Variants in GLT8D1 observed in about 807,000 individuals in gnomAD.
GLT8D1 encodes the protein glycosyltransferase 8 domain-containing protein 1.
Under a neutral mutation model 46.2 loss-of-function variants are expected in GLT8D1, and 41 were observed. The ratio of observed to expected loss-of-function variants is 0.89; its 90% CI spans 0.69 to 1.15. The LOEUF is 1.15. Ranked by LOEUF, GLT8D1 falls within the 50% of genes most tolerant of loss-of-function variation. The probability of loss-of-function intolerance (pLI) is 0.00; values close to 1 mark genes in which losing one functional copy is unlikely to be tolerated. For missense variants in GLT8D1, 408 were observed against 449.3 expected, an observed-to-expected ratio of 0.91 and a Z score of 0.83; for synonymous variants, 150 against 154.2, an observed-to-expected ratio of 0.97 and a Z score of 0.20.
Position 52,697,940 on chromosome 3 carries a change from AAC to A in GLT8D1, c.116-8_116-7del, listed in dbSNP as rs774520771. On this transcript the variant is annotated splice_polypyrimidine_tract_variant and splice_region_variant and intron_variant, in intron 3 of 9. Transcript: ENST00000266014. ...AGGCCCTACAATTCCTGAATCTGAA[AAC>A]ACAAGGAAGGCACTGTGATTACAAT... The A allele has an allele frequency of 1.3e-6, 2 of 1,572,512 alleles. No homozygotes were observed. The highest frequency in any genetic ancestry group is 1.4e-5 in the African/African-American group (1 of 74,038).
In GLT8D1 at chr3:52,700,362, TG is replaced by T; in HGVS notation, c.17-3del. 1 of 1,611,090 alleles carries T rather than the reference TG, an allele frequency of 6.2e-7. No individual in the cohort carries two copies. The highest frequency in any genetic ancestry group is 8.5e-7 in the Non-Finnish European group (1 of 1,177,400). On this transcript the variant is annotated splice_polypyrimidine_tract_variant and splice_region_variant and intron_variant, in intron 2 of 9. Transcript: ENST00000266014. Reference sequence around the variant, plus strand: ...CCAGGACCAAGATGATGATGTTTACTGAAATAGATAGGGAAAACCTATGTTA... The same window carrying T: ...CCAGGACCAAGATGATGATGTTTACTAAATAGATAGGGAAAACCTATGTTA...
intron 3 of GLT8D1, among the ~76,000 whole-genome samples, 189 bp from the exon 4 acceptor site, chr3:52,698,123 T>C (rs963647493): frequency 6.6e-6 from 1 of 152,182 alleles, no homozygotes; most frequent in African/African-American, 2.4e-5. Context: ...AGGAAGCATT[T>C]TTTAAAATAC....
intron 4 of GLT8D1, 53 bp from the exon 5 acceptor site, chr3:52,696,712 T>C (rs1032269734): frequency 1.9e-5 from 19 of 986,552 alleles, no homozygotes; most frequent in Middle Eastern, 4.2e-4. Context: ...TCCAAACCAA[T>C]GAGGGAATAA....
chr3:52,699,036 A>G (rs894317900), intron 3 of GLT8D1, among the ~76,000 whole-genome samples: 2 of 148,410 alleles, frequency 1.3e-5, no homozygotes, highest in African/African-American at 2.5e-5. Flanking sequence ...AAGATTATGT[A>G]TGAAGAGTTT....
chr3:52,705,336 T>C (rs1246122643), intron 1 of GLT8D1, 111 bp downstream of exon 1: 1 of 152,446 alleles, frequency 6.6e-6, no homozygotes, highest in Non-Finnish European at 1.5e-5. Flanking sequence ...TCTACGCGGA[T>C]GAGAGGGACA....
At chr3:52,701,736 G>A (rs1561268387) in intron 1 of GLT8D1, among the ~76,000 whole-genome samples, 1 of 152,156 alleles carries the variant, frequency 6.6e-6, no homozygotes, top group Non-Finnish European at 1.5e-5. Flanking sequence ...TTAAGAAGGT[G>A]GTGTCTAATT....
Position 52,697,832 on chromosome 3 carries a change from G to A in GLT8D1, c.218C>T (p.Ser73Phe). 6.2e-7 allele frequency: 1 copy of A among 1,613,342 alleles called. No individual in the cohort carries two copies. The highest frequency in any genetic ancestry group is 1.7e-5 in the Admixed American group (1 of 60,018). The change falls in exon 4 of 10, where the codon TCT (serine) becomes TTT (phenylalanine). Residue 73 changes from serine (S) to phenylalanine (F), a missense_variant. Coordinates refer to ENST00000266014, the MANE Select transcript of GLT8D1 (RefSeq NM_018446.4). ...QEEIPVVIAA[S>F]EDRLGGAIAA... ...AATGGCCCCCCCAAGCCTGTCTTCA[G>A]ATGCAGCGATGACCACAGGAATCTC...
Position 52,700,285 on chromosome 3 carries a change from C to G in GLT8D1, c.92G>C (p.Ser31Thr), listed in dbSNP as rs1408209729. 13 of 1,612,708 alleles carry G rather than the reference C, an allele frequency of 8.1e-6. No homozygotes were observed. In the East Asian group the frequency reaches 2.9e-4, roughly 36 times the overall value. ...VLHHNFLSLS[S>T]LLRNEVTDSG... ...ACCTGTAACCTCATTCCTTAACAAACTGCTCAAGCTGAGGAAGTTATGGTG... is the reference window on the plus strand; with the variant it reads ...ACCTGTAACCTCATTCCTTAACAAAGTGCTCAAGCTGAGGAAGTTATGGTG... The change falls in exon 3 of 10, where the codon AGT (serine) becomes ACT (threonine). Residue 31 changes from serine to threonine, a missense_variant. By Grantham distance (58) the Ser-to-Thr change is moderately conservative. Transcript: ENST00000266014.
intron 9 of GLT8D1, 31 bp downstream of exon 9, chr3:52,695,156 TTAC>T: frequency 6.6e-7 from 1 of 1,518,692 alleles, no homozygotes; most frequent in Non-Finnish European, 9.1e-7. Context: ...TACCAATTCT[TTAC>T]TAGCTTATGC....
chr3:52,697,972 TG>T (rs746062648), intron 3 of GLT8D1, 38 bp from the exon 4 acceptor site: 2 of 1,270,278 alleles, frequency 1.6e-6, no homozygotes. Context: ...TACAATCTCA[TG>T]GGCTTTTGAT....
chr3:52,695,345 G>A, intron 8 of GLT8D1, 43 bp from the exon 9 acceptor site: 1 of 1,577,588 alleles, frequency 6.3e-7, no homozygotes, highest in Non-Finnish European at 8.7e-7. Flanking sequence ...GAAAAGTACT[G>A]ACTAACTCCT....
Position 52,694,622 on chromosome 3 carries a change from A to C in GLT8D1, c.*223T>G. 1.6e-6 allele frequency: 1 copy of C among 608,832 alleles called. No homozygotes were observed. Among genetic ancestry groups the C allele is most frequent in the South Asian group, 2.0e-5 (1 of 50,998 alleles). 37.7% of individuals were successfully genotyped at this position (608,832 alleles called of 1,614,324 possible). ...CTTCTTTCCAGTCATTCAGCATTGT[A>C]GTAAGAAAACACTTGGTAAGGCAGA... On this transcript the variant is annotated 3_prime_UTR_variant, in exon 10 of 10. Coordinates refer to ENST00000266014, the MANE Select transcript of GLT8D1 (RefSeq NM_018446.4).
chr3:52,705,729 C>A lies in GLT8D1; in HGVS notation c.-319G>T. ...CTCTAGCTCCGTGGCAGCCGCGCAG[C>A]CCCACTACGCCCAGCCAGCCCGCAG... On this transcript the variant is annotated 5_prime_UTR_variant, in exon 1 of 10. Coordinates refer to ENST00000266014, the MANE Select transcript of GLT8D1 (RefSeq NM_018446.4). The A allele has an allele frequency of 2.8e-6, 2 of 721,826 alleles. No homozygotes were observed. The highest frequency in any genetic ancestry group is 3.7e-6 in the Non-Finnish European group (2 of 535,926). 44.7% of individuals were successfully genotyped at this position (721,826 alleles called of 1,614,324 possible). A position where few individuals can be genotyped will look rare whatever the true frequency, so the allele number is the denominator to read the frequency against.
At chr3:52,695,899 G>A in intron 7 of GLT8D1, 29 bp downstream of exon 7, 1 of 1,253,982 alleles carries the variant, frequency 8.0e-7, no homozygotes, top group Non-Finnish European at 1.2e-6. Flanking sequence ...CAATATTGTA[G>A]GAAGAGGGGT....
chr3:52,700,512 A>G lies in GLT8D1; in HGVS notation c.-36-16T>C, dbSNP rs751030830. The G allele has an allele frequency of 6.2e-6, 8 of 1,300,262 alleles. No individual in the cohort carries two copies. In the South Asian group the frequency reaches 9.9e-5, roughly 16 times the overall value. The allele number at this position is 1,300,262 out of a possible 1,614,324, so 80.5% of individuals were successfully genotyped here. On this transcript the variant is annotated splice_polypyrimidine_tract_variant and intron_variant, in intron 1 of 9. Transcript: ENST00000266014. The stretch of plus-strand genomic sequence containing the variant: ...GTTTTTAACCCTACAAAACAAAAAC[A>G]AGCCCCCAAAGTCAGTAAGCACATG...
chr3:52,696,112 T>C (rs2097333172), intron 6 of GLT8D1, 72 bp from the exon 7 acceptor site: 2 of 1,162,044 alleles, frequency 1.7e-6, no homozygotes, highest in Non-Finnish European at 2.6e-6. Context: ...CACTTCTCCC[T>C]ATGGTGACCT....
At position 52,697,737 on chromosome 3, in the gene GLT8D1, T is replaced by G. The variant is rs1339043438; in HGVS notation, c.313A>C (p.Thr105Pro). 1 of 1,609,436 alleles carries G rather than the reference T, an allele frequency of 6.2e-7. No individual in the cohort carries two copies. The stretch of plus-strand genomic sequence containing the variant: ...AGAGCTCACCGGAGATGGTCTGCTG[T>G]ATTGTTGAGAGTAACAATGTAGAAA... ...VIFYIVTLNN[T>P]ADHLRSWLNS... The change falls in exon 4 of 10, where the codon ACA becomes CCA. Residue 105 changes from threonine (T) to proline (P), a missense_variant. Thr to Pro is a conservative substitution (Grantham distance 38). Transcript: ENST00000266014.
intron 7 of GLT8D1, 50 bp downstream of exon 7, chr3:52,695,878 T>C: frequency 9.1e-7 from 1 of 1,097,322 alleles, no homozygotes; most frequent in Non-Finnish European, 1.4e-6. Flanking sequence ...TTGCAACCTC[T>C]TCCCATTAAA....
Position 52,700,335 on chromosome 3 carries a change from A to G in GLT8D1, c.42T>C (p.Ala14=). ...GCAAAACCAGTAAGAAGAGAGCAAC[A>G]GCCAGGACCAAGATGATGATGTTTA... is the stretch of plus-strand genomic sequence containing the variant. ...RKVNIIILVL[A]VALFLLVLHH... The change falls in exon 3 of 10, where the codon GCT becomes GCC. Residue 14 remains alanine (A), a synonymous_variant. Coordinates refer to ENST00000266014, the MANE Select transcript of GLT8D1 (RefSeq NM_018446.4). The G allele has an allele frequency of 3.7e-6, 6 of 1,613,828 alleles. No homozygotes were observed. Among genetic ancestry groups the G allele is most frequent in the African/African-American group, 1.3e-5 (1 of 75,052 alleles).
Sources: allele counts gnomAD v4.1 joint callset (sites outside exome capture counted in the v4.1 genomes callset), GRCh38; gene constraint gnomAD v4.1.1; transcripts MANE v1.5; gene names NCBI Gene and HGNC (gene_info 2026-07-23, HGNC 2026-07-21).